C8orf74: variants seen among roughly 807,000 people sequenced by gnomAD.
C8orf74 encodes uncharacterized protein C8orf74.
In C8orf74, 29 loss-of-function variants were observed where a neutral mutation model predicts 22.2. The ratio of observed to expected loss-of-function variants is 1.31; its 90% CI spans 0.97 to 1.78. The LOEUF (loss-of-function observed/expected upper bound fraction) is 1.78. Ranked by LOEUF, C8orf74 falls within the 40% of genes most tolerant of loss-of-function variation. The pLI, the probability that C8orf74 is intolerant of heterozygous loss-of-function variation, is 0.00. For missense variants in C8orf74, 515 were observed against 369.9 expected (o/e 1.39, Z -3.22); for synonymous variants, 255 against 163.1 (o/e 1.56, Z -4.30).
chr8:10,674,083 T>A (rs111338039), intron 1 of C8orf74, among the ~76,000 whole-genome samples: 80 of 73,026 alleles, frequency 1.1e-3, no homozygotes, highest in African/African-American at 4.1e-3. Flanking sequence ...CCCACAACCA[T>A]CATGTCATAC....
chr8:10,700,491 G>A lies in C8orf74; in HGVS notation c.*20G>A, dbSNP rs773022575. ...AAGTAGAAGGTCCCGACTGCCACAC[G>A]AGACTGACTGGGGACCAGCCACCCA... On this transcript the variant is annotated 3_prime_UTR_variant, in exon 4 of 4. Coordinates refer to ENST00000304519, the MANE Select transcript of C8orf74 (RefSeq NM_001040032.2). 29 of 1,468,084 alleles carry A rather than the reference G, an allele frequency of 2.0e-5. No individual in the cohort carries two copies. The highest frequency in any genetic ancestry group is 1.7e-4 in the East Asian group (7 of 40,492). The allele number at this position is 1,468,084 out of a possible 1,614,324, so 90.9% of individuals were successfully genotyped here. A position where few individuals can be genotyped will look rare whatever the true frequency, so the allele number is the denominator to read the frequency against.
rs530312573 is a variant in C8orf74 at position 10,676,916 on chromosome 8, A to T, written c.241+2078A>T. On this transcript the variant is annotated intron_variant, in intron 2 of 3. Transcript: ENST00000304519. ...GGGAAGCGAACTCTTTCAAGTCCCC[A>T]TCAGAGCCTCCACAGGCCAAGCCCT... Among the ~76,000 whole-genome samples the T allele has an allele frequency of 2.0e-5, 3 of 152,314 alleles. No homozygotes were observed. The South Asian group carries it at 6.2e-4, about 32-fold the overall frequency.
At chr8:10,676,348 C>A (rs1563154609) in intron 2 of C8orf74, among the ~76,000 whole-genome samples, 1 of 152,140 alleles carries the variant, frequency 6.6e-6, no homozygotes, top group African/African-American at 2.4e-5. Context: ...CTGGCAACAC[C>A]TCAATGTCCT....
intron 2 of C8orf74, chr8:10,687,316 T>A (rs574390252): frequency 3.1e-6 from 1 of 323,618 alleles, no homozygotes; most frequent in Non-Finnish European, 6.2e-6. Context: ...GGAATCAATA[T>A]ATGCAATGGT....
At chr8:10,691,862 C>T (rs1221915300) in intron 2 of C8orf74, 1 of 152,414 alleles carries the variant, frequency 6.6e-6, no homozygotes, top group Non-Finnish European at 1.5e-5. Flanking sequence ...TCCAAACTGA[C>T]CACAAGCCCT....
intron 2 of C8orf74, 37 bp downstream of exon 2, chr8:10,674,875 G>A: frequency 6.5e-7 from 1 of 1,535,136 alleles, no homozygotes; most frequent in Non-Finnish European, 8.8e-7. Context: ...GCAGAGGCTG[G>A]CGGGATGGGG....
chr8:10,681,334 C>T (rs1799143710), intron 2 of C8orf74, among the ~76,000 whole-genome samples: 2 of 152,186 alleles, frequency 1.3e-5, no homozygotes, highest in African/African-American at 4.8e-5. Context: ...CAGCCATCTC[C>T]CCCGGGTCAA....
intron 2 of C8orf74, among the ~76,000 whole-genome samples, chr8:10,695,587 A>G (rs940573398): frequency 3.3e-5 from 5 of 152,192 alleles, no homozygotes; most frequent in African/African-American, 1.2e-4. Context: ...GGGGAGATTC[A>G]AGGTGAATAT....
Position 10,700,379 on chromosome 8 carries a change from A to AT in C8orf74, c.794dup (p.Pro267AlafsTer53). ...TCTGAACCTCAACGCCCCCACCCCT[A>AT]TCCCGCCCCCCATCACCAGCCACGC... On this transcript the variant is annotated frameshift_variant, in exon 4 of 4. Transcript: ENST00000304519. LOFTEE classifies it low-confidence loss of function (END_TRUNC). 4 of 1,592,228 alleles carry AT rather than the reference A, an allele frequency of 2.5e-6. No homozygotes were observed. The highest frequency in any genetic ancestry group is 2.3e-5 in the East Asian group (1 of 44,336).
chr8:10,693,937 A>AAG (rs1305245664), intron 2 of C8orf74, among the ~76,000 whole-genome samples: 1 of 151,890 alleles, frequency 6.6e-6, no homozygotes, highest in African/African-American at 2.4e-5. Flanking sequence ...ATCTGCCTCC[A>AAG]CCTTTAGGTG....
Position 10,700,367 on chromosome 8 carries a change from G to GCCCCCCCCCCCAAACCCCCCCC in C8orf74, c.786_787insCCCCCCAAACCCCCCCCCCCCC (p.Thr263ProfsTer64). 1 of 1,590,928 alleles carries GCCCCCCCCCCCAAACCCCCCCC rather than the reference G, an allele frequency of 6.3e-7. No individual in the cohort carries two copies. The highest frequency in any genetic ancestry group is 8.6e-7 in the Non-Finnish European group (1 of 1,159,762). The stretch of plus-strand genomic sequence containing the variant: ...TCAGAAGAAGACTCTGAACCTCAAC[G>GCCCCCCCCCCCAAACCCCCCCC]CCCCCACCCCTATCCCGCCCCCCAT... On this transcript the variant is annotated frameshift_variant, in exon 4 of 4. Transcript: ENST00000304519. LOFTEE classifies it low-confidence loss of function (END_TRUNC).
intron 2 of C8orf74, among the ~76,000 whole-genome samples, 159 bp from the exon 3 acceptor site, chr8:10,697,440 C>T (rs1268421419): frequency 6.6e-6 from 1 of 152,084 alleles, no homozygotes; most frequent in African/African-American, 2.4e-5. Context: ...GAGAGTTAGA[C>T]CCCGTCTCAA....
intron 2 of C8orf74, among the ~76,000 whole-genome samples, chr8:10,697,260 C>T (rs940076347): frequency 6.6e-6 from 1 of 152,004 alleles, no homozygotes; most frequent in Non-Finnish European, 1.5e-5. Flanking sequence ...CAGTGATAAC[C>T]TCATCTCCAC....
chr8:10,674,756 C>G lies in C8orf74; in HGVS notation c.159C>G (p.Ile53Met), dbSNP rs1798995941. 6.2e-7 allele frequency: 1 copy of G among 1,607,376 alleles called. No individual in the cohort carries two copies. The highest frequency in any genetic ancestry group is 8.5e-7 in the Non-Finnish European group (1 of 1,177,020). ...ILLDTLYESIIFAVGKGFPWV... is the reference protein window; with the variant it reads ...ILLDTLYESIMFAVGKGFPWV... ...TGGACACCCTCTACGAGAGCATCAT[C>G]TTTGCAGTGGGCAAAGGCTTCCCAT... The change falls in exon 2 of 4, where the codon ATC becomes ATG. Residue 53 changes from isoleucine to methionine, a missense_variant. Physicochemically the swap from Ile to Met is conservative, Grantham distance 10 (BLOSUM62 1). Coordinates refer to ENST00000304519, the MANE Select transcript of C8orf74 (RefSeq NM_001040032.2).
chr8:10,685,351 A>C (rs1252075695), intron 2 of C8orf74, among the ~76,000 whole-genome samples: 2 of 152,230 alleles, frequency 1.3e-5, no homozygotes, highest in African/African-American at 4.8e-5. Flanking sequence ...ATCCATGCTC[A>C]TAGAAGTATT....
Position 10,697,723 on chromosome 8 carries a change from C to CA in C8orf74, c.369dup (p.Leu124ThrfsTer196). ...TCCACCACACCTTCATCCGCCACTA[C>CA]AAACTCTACCAGTATGTCCTGGGCC... is the stretch of plus-strand genomic sequence containing the variant. On this transcript the variant is annotated frameshift_variant, in exon 3 of 4. Coordinates refer to ENST00000304519, the MANE Select transcript of C8orf74 (RefSeq NM_001040032.2). LOFTEE classifies it high-confidence loss of function. 1 of 1,614,048 alleles carries CA rather than the reference C, an allele frequency of 6.2e-7. No individual in the cohort carries two copies. Among genetic ancestry groups the CA allele is most frequent in the Non-Finnish European group, 8.5e-7 (1 of 1,179,890 alleles).
chr8:10,679,095 G>T (rs897492950), intron 2 of C8orf74, among the ~76,000 whole-genome samples: 1 of 152,180 alleles, frequency 6.6e-6, no homozygotes, highest in African/African-American at 2.4e-5. Context: ...TTTCCTAGCT[G>T]TGGGACCTTG....
intron 2 of C8orf74, chr8:10,691,081 G>A: frequency 2.6e-6 from 1 of 379,002 alleles, no homozygotes; most frequent in Non-Finnish European, 5.4e-6. Flanking sequence ...CCGAGGCCAA[G>A]AAAGTGTGTC....
intron 1 of C8orf74, among the ~76,000 whole-genome samples, chr8:10,673,414 C>G (rs912471615): frequency 6.6e-6 from 1 of 152,110 alleles, no homozygotes; most frequent in Non-Finnish European, 1.5e-5. Context: ...TTGGCCTGCC[C>G]GTGTGTCTGA....
Sources: allele counts gnomAD v4.1 joint callset (sites outside exome capture counted in the v4.1 genomes callset), GRCh38; gene constraint gnomAD v4.1.1; transcripts MANE v1.5; gene names NCBI Gene and HGNC (gene_info 2026-07-23, HGNC 2026-07-21).